NR2F1-AS1: variants seen among roughly 807,000 people sequenced by gnomAD.
The protein encoded by NR2F1-AS1 is NR2F1 regulatory antisense RNA 1, also known as NR2F1 antisense RNA 1.
At chr5:93,508,989 A>G (rs1561474951) in intron 4 of NR2F1-AS1, among the ~76,000 whole-genome samples, 3 of 152,146 alleles carry the variant, frequency 2.0e-5, no homozygotes, top group Admixed American at 2.0e-4. Context: ...TACAACCAAC[A>G]AGCACACACC....
intron 4 of NR2F1-AS1, among the ~76,000 whole-genome samples, chr5:93,443,469 TG>T (rs1332879298): frequency 2.0e-5 from 3 of 151,792 alleles, no homozygotes; most frequent in Non-Finnish European, 2.9e-5. Flanking sequence ...ATTAAATGAA[TG>T]AAATGAAGTG....
At chr5:93,524,375 G>A (rs76067793) in intron 4 of NR2F1-AS1, among the ~76,000 whole-genome samples, 46 of 152,286 alleles carry the variant, frequency 3.0e-4, no homozygotes, top group African/African-American at 6.3e-4. Flanking sequence ...CCAAACCTGC[G>A]TTTGATTGGT....
chr5:93,570,954 T>C (rs1269249195), intron 1 of NR2F1-AS1: 3 of 152,156 alleles, frequency 2.0e-5, no homozygotes, highest in Admixed American at 1.3e-4. Context: ...GGGATCCCAG[T>C]CCGCAGAATT....
chr5:93,439,356 C>G lies in NR2F1-AS1; in HGVS notation n.639-43814G>C, dbSNP rs1031839562. ...TCACCCAGGCTGGAGTGGAGTGGCG[C>G]GATCTCGGCTCACTGCAGGCTCCGC... On this transcript the variant is annotated intron_variant and non_coding_transcript_variant, in intron 4 of 5. Transcript: ENST00000660523. 4.6e-5 allele frequency among the ~76,000 whole-genome samples: 7 copies of G among 152,294 alleles called. No individual in the cohort carries two copies. The East Asian group carries it at 1.4e-3, about 30-fold the overall frequency.
At chr5:93,466,172 G>A (rs1488304461) in intron 4 of NR2F1-AS1, among the ~76,000 whole-genome samples, 1 of 152,014 alleles carries the variant, frequency 6.6e-6, no homozygotes, top group Non-Finnish European at 1.5e-5. Context: ...GCAACAGAAT[G>A]AAGACAATCT....
chr5:93,484,233 T>TCAGA (rs1750667339), intron 4 of NR2F1-AS1, among the ~76,000 whole-genome samples: 1 of 152,138 alleles, frequency 6.6e-6, no homozygotes, highest in Admixed American at 6.5e-5. Context: ...GGGAAGCCCA[T>TCAGA]CAGACTAACA....
chr5:93,525,762 T>C (rs1269192742), intron 4 of NR2F1-AS1, among the ~76,000 whole-genome samples: 2 of 152,034 alleles, frequency 1.3e-5, no homozygotes, highest in African/African-American at 4.8e-5. Context: ...GACTACTGAG[T>C]AAATAACAAA....
intron 4 of NR2F1-AS1, among the ~76,000 whole-genome samples, chr5:93,551,431 A>C (rs1752226158): frequency 1.3e-5 from 2 of 152,118 alleles, no homozygotes; most frequent in Admixed American, 6.6e-5. Flanking sequence ...AAATAGACAA[A>C]ATATAAAATC....
At chr5:93,418,464 G>C (rs1468871574) in intron 4 of NR2F1-AS1, among the ~76,000 whole-genome samples, 1 of 152,084 alleles carries the variant, frequency 6.6e-6, no homozygotes, top group Non-Finnish European at 1.5e-5. Context: ...GCATGCGCCT[G>C]TAGTCTCAGC....
chr5:93,566,796 C>T (rs1472894281), intron 1 of NR2F1-AS1, among the ~76,000 whole-genome samples: 1 of 151,870 alleles, frequency 6.6e-6, no homozygotes, highest in Non-Finnish European at 1.5e-5. Context: ...ATTTAAAATG[C>T]TATTCATTAC....
intron 4 of NR2F1-AS1, among the ~76,000 whole-genome samples, chr5:93,549,653 C>T (rs1752177531): frequency 6.6e-6 from 1 of 152,062 alleles, no homozygotes; most frequent in Non-Finnish European, 1.5e-5. Flanking sequence ...TTCACTTTTA[C>T]TAAGGGAATG....
chr5:93,442,929 G>A (rs1421849036), intron 4 of NR2F1-AS1, among the ~76,000 whole-genome samples: 1 of 152,202 alleles, frequency 6.6e-6, no homozygotes. Flanking sequence ...CAGGCAAACA[G>A]GGTCTGGAGT....
chr5:93,443,938 T>G (rs896031356), intron 4 of NR2F1-AS1, among the ~76,000 whole-genome samples: 1 of 152,178 alleles, frequency 6.6e-6, no homozygotes, highest in Non-Finnish European at 1.5e-5. Context: ...GAAGTTCATA[T>G]CCAGCCAAAC....
chr5:93,494,414 T>C (rs1327077243), intron 4 of NR2F1-AS1, among the ~76,000 whole-genome samples: 1 of 152,136 alleles, frequency 6.6e-6, no homozygotes, highest in African/African-American at 2.4e-5. Flanking sequence ...GGATGATCAC[T>C]TGAGCCCAGC....
At chr5:93,426,754 A>G (rs999777175) in intron 4 of NR2F1-AS1, among the ~76,000 whole-genome samples, 2 of 152,206 alleles carry the variant, frequency 1.3e-5, no homozygotes, top group Non-Finnish European at 2.9e-5. Context: ...AGAGTGGGAA[A>G]AAGGTAAAAG....
chr5:93,561,485 A>G (rs1752486453), intron 2 of NR2F1-AS1, among the ~76,000 whole-genome samples: 1 of 151,912 alleles, frequency 6.6e-6, no homozygotes, highest in Admixed American at 6.6e-5. Flanking sequence ...AATATTTATG[A>G]AAACAGGCCA....
chr5:93,522,615 G>A (rs560719880), intron 4 of NR2F1-AS1, among the ~76,000 whole-genome samples: 13 of 152,316 alleles, frequency 8.5e-5, no homozygotes, highest in African/African-American at 2.4e-4. Context: ...CGCAGAAGGC[G>A]GGTGACTTCT....
At chr5:93,409,473 G>A in intron 4 of NR2F1-AS1, 1 of 152,190 alleles carries the variant, frequency 6.6e-6, no homozygotes, top group Non-Finnish European at 1.5e-5. Flanking sequence ...CTAGGCACCA[G>A]GAATGCACAG....
intron 1 of NR2F1-AS1, among the ~76,000 whole-genome samples, chr5:93,568,783 T>A (rs1752673895): frequency 1.3e-5 from 2 of 152,258 alleles, no homozygotes; most frequent in Admixed American, 1.3e-4. Context: ...AGAATTACAT[T>A]GTTGCTGCTA....
Sources: allele counts gnomAD v4.1 joint callset (sites outside exome capture counted in the v4.1 genomes callset), GRCh38; gene constraint gnomAD v4.1.1; transcripts MANE v1.5; gene names NCBI Gene and HGNC (gene_info 2026-07-23, HGNC 2026-07-21).